The following FSIP2 variants were observed in gnomAD, a reference collection of about 807,000 sequenced individuals.
The protein encoded by FSIP2 is fibrous sheath interacting protein 2, also known as fibrous sheath-interacting protein 2.
Under a neutral mutation model 510.5 loss-of-function variants are expected in FSIP2, and 367 were observed. That is an observed-to-expected ratio of 0.72 (90% CI 0.66 to 0.78). The LOEUF (loss-of-function observed/expected upper bound fraction) is 0.78, where lower values mean the gene tolerates loss of function less well. FSIP2 is among the 30% of genes least tolerant of loss of function. The pLI is 0.00. For synonymous variants in FSIP2, 2,601 were observed against 2,732.2 expected (o/e 0.95, Z 1.50); for missense variants, 7,594 against 7,901.7 (o/e 0.96, Z 1.48).
Position 185,800,044 on chromosome 2 carries a change from C to A in FSIP2, c.10738C>A (p.Gln3580Lys). ...NNKIIQADIA[Q>K]KMVAIPTKYT... ...TAAAATTATACAGGCTGACATTGCA[C>A]AGAAAATGGTTGCCATACCTACAAA... Residue 3580 changes from glutamine to lysine, a missense_variant, in exon 17 of 23, where the codon CAG becomes AAG. Physicochemically the swap from Gln to Lys is moderately conservative, Grantham distance 53. Transcript: ENST00000424728. 6.5e-7 allele frequency: 1 copy of A among 1,528,464 alleles called. No homozygotes were observed. Among genetic ancestry groups the A allele is most frequent in the Non-Finnish European group, 8.8e-7 (1 of 1,141,544 alleles). 94.7% of individuals were successfully genotyped at this position (1,528,464 alleles called of 1,614,324 possible). A position where few individuals can be genotyped will look rare whatever the true frequency, so the allele number is the denominator to read the frequency against.
At chr2:185,815,003 C>G (rs984561019) in intron 18 of FSIP2, among the ~76,000 whole-genome samples, 2 of 151,912 alleles carry the variant, frequency 1.3e-5, no homozygotes, top group Admixed American at 1.3e-4. Flanking sequence ...AGATGATTGA[C>G]CTGGCAAGGT....
rs1244273439 is a variant in FSIP2 at position 185,803,260 on chromosome 2, G to A, written c.13954G>A (p.Asp4652Asn). The change falls in exon 17 of 23, where the codon GAT becomes AAT. Residue 4652 changes from aspartate (D) to asparagine (N), a missense_variant. By Grantham distance (23) the Asp-to-Asn change is conservative (BLOSUM62 1). Transcript: ENST00000424728. ...AACAAAATCCATAAGAGATTCAGAAGATGAACTGTTTGAGAAAGCTGAAGA... is the reference window on the plus strand; with the variant it reads ...AACAAAATCCATAAGAGATTCAGAAAATGAACTGTTTGAGAAAGCTGAAGA... Reference protein sequence around the residue: ...VQTKSIRDSEDELFEKAEELI... With the variant: ...VQTKSIRDSENELFEKAEELI... 1 of 1,525,274 alleles carries A rather than the reference G, an allele frequency of 6.6e-7. No individual in the cohort carries two copies. The highest frequency in any genetic ancestry group is 8.8e-7 in the Non-Finnish European group (1 of 1,142,556). 94.5% of individuals were successfully genotyped at this position (1,525,274 alleles called of 1,614,324 possible). A position where few individuals can be genotyped will look rare whatever the true frequency, so the allele number is the denominator to read the frequency against.
At chr2:185,747,548 A>C in intron 7 of FSIP2, 125 bp downstream of exon 7, 2 of 529,532 alleles carry the variant, frequency 3.8e-6, no homozygotes, top group Non-Finnish European at 6.8e-6. Context: ...TGCATGATAT[A>C]AAACTGCAAG....
chr2:185,788,264 G>A (rs2105607497), intron 15 of FSIP2: 1 of 153,278 alleles, frequency 6.5e-6, no homozygotes, highest in African/African-American at 2.4e-5. Context: ...AAAATTAGCT[G>A]GATCATAAAC....
At position 185,802,577 on chromosome 2, in the gene FSIP2, G is replaced by A; in HGVS notation, c.13271G>A (p.Gly4424Glu). 1 of 1,530,420 alleles carries A rather than the reference G, an allele frequency of 6.5e-7. No homozygotes were observed. The highest frequency in any genetic ancestry group is 8.7e-7 in the Non-Finnish European group (1 of 1,144,400). The allele number at this position is 1,530,420 out of a possible 1,614,324, so 94.8% of individuals were successfully genotyped here. ...SDYLLHPLFSGDFSASTYSNS... is the reference protein window; with the variant it reads ...SDYLLHPLFSEDFSASTYSNS... ...TACCTTCTTCATCCACTGTTTTCTGGGGATTTTTCAGCTTCTACCTATTCT... is the reference window on the plus strand; with the variant it reads ...TACCTTCTTCATCCACTGTTTTCTGAGGATTTTTCAGCTTCTACCTATTCT... The change falls in exon 17 of 23, where the codon GGG (glycine) becomes GAG (glutamate). Residue 4424 changes from glycine (G) to glutamate (E), a missense_variant. Physicochemically the swap from Gly to Glu is moderately conservative, Grantham distance 98 (BLOSUM62 -2). Coordinates refer to ENST00000424728, the MANE Select transcript of FSIP2 (RefSeq NM_173651.4).
At position 185,793,153 on chromosome 2, in the gene FSIP2, T is replaced by C. The variant is rs1162447515; in HGVS notation, c.6017T>C (p.Val2006Ala). The C allele has an allele frequency of 6.5e-7, 1 of 1,534,246 alleles. No homozygotes were observed. The highest frequency in any genetic ancestry group is 1.4e-5 in the African/African-American group (1 of 73,012). The change falls in exon 16 of 23, where the codon GTG becomes GCG. Residue 2006 changes from valine (V) to alanine (A), a missense_variant. By Grantham distance (64) the Val-to-Ala change is moderately conservative (BLOSUM62 0). Coordinates refer to ENST00000424728, the MANE Select transcript of FSIP2 (RefSeq NM_173651.4). ...LSKLNTYALQ[V>A]ARRNLQGIKQ... ...AAATTAAATACTTATGCACTACAAG[T>C]GGCTAGAAGAAATTTACAAGGAATC...
intron 13 of FSIP2, chr2:185,766,091 C>G (rs1692471470): frequency 1.3e-5 from 2 of 152,022 alleles, no homozygotes; most frequent in South Asian, 2.1e-4. Context: ...CGTCTGCAAA[C>G]AGGGACAATT....
chr2:185,808,272 G>A lies in FSIP2; in HGVS notation c.18966G>A (p.Val6322=), dbSNP rs996490798. 2.5e-6 allele frequency: 4 copies of A among 1,601,594 alleles called. No individual in the cohort carries two copies. The Admixed American group carries it at 5.2e-5, about 21-fold the overall frequency. The change falls in exon 17 of 23, where the codon GTG becomes GTA. Residue 6322 remains valine (V), a synonymous_variant. Coordinates refer to ENST00000424728, the MANE Select transcript of FSIP2 (RefSeq NM_173651.4). ...VLEAVKIMEK[V]IKIIDELKSK... ...AAGCTGTCAAAATTATGGAAAAAGT[G>A]ATCAAAATTATTGATGAACTTAAGT...
rs1015564718 is a variant in FSIP2, at chr2:185,794,739, A to G, written c.7603A>G (p.Ile2535Val). The G allele has an allele frequency of 3.3e-5, 51 of 1,533,978 alleles. No homozygotes were observed. Among genetic ancestry groups the G allele is most frequent in the Non-Finnish European group, 4.2e-5 (48 of 1,145,472 alleles). ...ACAGAAAAACAGTTTTCAATCACAT[A>G]TTAACAGTGTAGCAAATGACATAGT... The part of the protein sequence containing the change: ...TTQKNSFQSH[I>V]NSVANDIVES... Residue 2535 changes from isoleucine (I) to valine (V), a missense_variant, in exon 16 of 23, where the codon ATT becomes GTT. Transcript: ENST00000424728.
In FSIP2 at chr2:185,774,266, A is replaced by G. The variant is rs890692700; in HGVS notation, c.1412-8439A>G. Among the ~76,000 whole-genome samples, 7 of 152,182 alleles carry G rather than the reference A, an allele frequency of 4.6e-5. No individual in the cohort carries two copies. In the South Asian group the frequency reaches 6.2e-4, roughly 13 times the overall value. ...TGGACTTCTTCCTGTATATAATGCC[A>G]TATTTTCCTGGTATTATTCTCTATA... On this transcript the variant is annotated intron_variant, in intron 13 of 22. Coordinates refer to ENST00000424728, the MANE Select transcript of FSIP2 (RefSeq NM_173651.4).
intron 13 of FSIP2, among the ~76,000 whole-genome samples, 155 bp from the exon 14 acceptor site, chr2:185,782,550 C>A (rs1692874764): frequency 6.6e-6 from 1 of 152,088 alleles, no homozygotes; most frequent in Admixed American, 6.5e-5. Flanking sequence ...CAGTACAGGT[C>A]CTTGCTAAGG....
At chr2:185,780,369 T>G (rs1692819384) in intron 13 of FSIP2, among the ~76,000 whole-genome samples, 1 of 151,946 alleles carries the variant, frequency 6.6e-6, no homozygotes. Context: ...TGTTGTTAAT[T>G]TCTTCAAATA....
Position 185,808,716 on chromosome 2 carries a change from TAACTC to T in FSIP2, c.19414_19418del (p.Ser6472AsnfsTer5), listed in dbSNP as rs751566047. On this transcript the variant is annotated frameshift_variant, in exon 17 of 23. Transcript: ENST00000424728. LOFTEE classifies it high-confidence loss of function. ...TTTCAAGTTTTCCATTAGATACAAT[TAACTC>T]AACAATTTCAAATGCTGATCTCTCT... The T allele has an allele frequency of 3.7e-6, 6 of 1,611,956 alleles. No individual in the cohort carries two copies. The highest frequency in any genetic ancestry group is 1.6e-4 in the Middle Eastern group (1 of 6,062).
rs1247694483 is a variant in FSIP2, at chr2:185,794,843, A to C, written c.7707A>C (p.Glu2569Asp). The stretch of plus-strand genomic sequence containing the variant: ...ATAATAAAAGTAGGACAGAAGTTGA[A>C]ATATCTGACCACAATGATTCCTTAC... ...YENNKSRTEV[E>D]ISDHNDSLLM... The change falls in exon 16 of 23, where the codon GAA becomes GAC. Residue 2569 changes from glutamate to aspartate, a missense_variant. Glu to Asp is a conservative substitution (Grantham distance 45). Coordinates refer to ENST00000424728, the MANE Select transcript of FSIP2 (RefSeq NM_173651.4). The C allele has an allele frequency of 6.5e-7, 1 of 1,532,504 alleles. No homozygotes were observed. Among genetic ancestry groups the C allele is most frequent in the African/African-American group, 1.4e-5 (1 of 72,932 alleles). 94.9% of individuals were successfully genotyped at this position (1,532,504 alleles called of 1,614,324 possible).
rs1693279315 is a variant in FSIP2, at chr2:185,796,409, T to A, written c.9273T>A (p.Ala3091=). The A allele has an allele frequency of 1.3e-6, 2 of 1,534,216 alleles. No individual in the cohort carries two copies. Among genetic ancestry groups the A allele is most frequent in the Non-Finnish European group, 1.7e-6 (2 of 1,145,810 alleles). Residue 3091 remains alanine, a synonymous_variant, in exon 16 of 23, where the codon GCT becomes GCA. Coordinates refer to ENST00000424728, the MANE Select transcript of FSIP2 (RefSeq NM_173651.4). The stretch of plus-strand genomic sequence containing the variant: ...TTAATATCATCAGTGACATGCTTGC[T>A]GTAATTAAGAACAAGCTAGACAACG... ...YAVNIISDML[A]VIKNKLDNEI...
chr2:185,778,429 A>T (rs1366318362), intron 13 of FSIP2, among the ~76,000 whole-genome samples: 3 of 152,042 alleles, frequency 2.0e-5, no homozygotes, highest in Non-Finnish European at 4.4e-5. Flanking sequence ...GTATCAAAAA[A>T]CTTGCAATAT....
chr2:185,801,916 C>G lies in FSIP2; in HGVS notation c.12610C>G (p.Leu4204Val). Residue 4204 changes from leucine (L) to valine (V), a missense_variant, in exon 17 of 23, where the codon CTA (leucine) becomes GTA (valine). By Grantham distance (32) the Leu-to-Val change is conservative. Coordinates refer to ENST00000424728, the MANE Select transcript of FSIP2 (RefSeq NM_173651.4). ...GTTCACTATATATGATAATCAATAT[C>G]TATATACTGGAAAAAACCTCCAAAA... ...IWFTIYDNQY[L>V]YTGKNLQKMV... 2 of 1,501,116 alleles carry G rather than the reference C, an allele frequency of 1.3e-6. No homozygotes were observed. Among genetic ancestry groups the G allele is most frequent in the Non-Finnish European group, 1.8e-6 (2 of 1,120,892 alleles). The allele number at this position is 1,501,116 out of a possible 1,614,324, so 93.0% of individuals were successfully genotyped here. A position where few individuals can be genotyped will look rare whatever the true frequency, so the allele number is the denominator to read the frequency against.
intron 19 of FSIP2, among the ~76,000 whole-genome samples, chr2:185,823,573 G>A (rs1344250474): frequency 3.3e-5 from 5 of 151,492 alleles, no homozygotes; most frequent in African/African-American, 1.2e-4. Flanking sequence ...AGGGAAAAAA[G>A]AAGTAAAGAA....
chr2:185,758,417 T>C (rs751630795), intron 9 of FSIP2, among the ~76,000 whole-genome samples: 12 of 151,242 alleles, frequency 7.9e-5, no homozygotes, highest in Non-Finnish European at 7.4e-5. Context: ...ACTGAAAACA[T>C]AAAATGTCGA....
Sources: allele counts gnomAD v4.1 joint callset (sites outside exome capture counted in the v4.1 genomes callset), GRCh38; gene constraint gnomAD v4.1.1; transcripts MANE v1.5; gene names NCBI Gene and HGNC (gene_info 2026-07-23, HGNC 2026-07-21).